PKHD1: variants seen among roughly 807,000 people sequenced by gnomAD.
PKHD1 encodes the protein fibrocystin.
A neutral mutation model predicts 412.0 loss-of-function variants in PKHD1; 291 were observed. That is an observed-to-expected ratio of 0.71 (90% CI 0.64 to 0.78). PKHD1 has a LOEUF of 0.78. PKHD1 is among the 30% of genes least tolerant of loss of function. PKHD1 has a pLI of 0.00. For missense variants in PKHD1, 4,825 were observed against 4,950.7 expected (o/e 0.97, Z 0.76); for synonymous variants, 1,777 against 1,821.5 (o/e 0.98, Z 0.62).
At chr6:52,048,089 C>A (rs1562226259) in intron 23 of PKHD1, among the ~76,000 whole-genome samples, 1 of 152,192 alleles carries the variant, frequency 6.6e-6, no homozygotes, top group Non-Finnish European at 1.5e-5. Context: ...CTAGCCACCA[C>A]CAGAAGCCAG....
chr6:52,056,502 T>C lies in PKHD1; in HGVS notation c.1693+196A>G, dbSNP rs115324911. Among the ~76,000 whole-genome samples the C allele has an allele frequency of 5.8e-4, 88 of 152,156 alleles. 3 individuals are homozygous for C. The highest frequency in any genetic ancestry group is 1.7e-3 in the African/African-American group (70 of 41,520). On this transcript the variant is annotated intron_variant, in intron 18 of 66. Coordinates refer to ENST00000371117, the MANE Select transcript of PKHD1 (RefSeq NM_138694.4). ...CCAGGAGGAATGCCTTTCCTTTCTATTGACACCCACCGAGCATCAACCTCC... is the reference window on the plus strand; with the variant it reads ...CCAGGAGGAATGCCTTTCCTTTCTACTGACACCCACCGAGCATCAACCTCC...
At chr6:51,786,857 A>G (rs942945754) in intron 53 of PKHD1, among the ~76,000 whole-genome samples, 2 of 152,228 alleles carry the variant, frequency 1.3e-5, no homozygotes, top group Non-Finnish European at 2.9e-5. Context: ...ATGGACACAC[A>G]TGTGAAATTC....
At chr6:51,865,586 A>T (rs1583102536) in intron 48 of PKHD1, among the ~76,000 whole-genome samples, 1 of 152,286 alleles carries the variant, frequency 6.6e-6, no homozygotes, top group South Asian at 2.1e-4. Flanking sequence ...GCAGCTATGT[A>T]AAGCCTCACT....
intron 60 of PKHD1, among the ~76,000 whole-genome samples, chr6:51,699,981 G>A (rs540149821): frequency 1.4e-4 from 16 of 118,070 alleles, no homozygotes; most frequent in African/African-American, 4.1e-4. Context: ...ATTATTACCT[G>A]AGTAATTTTT....
intron 35 of PKHD1, among the ~76,000 whole-genome samples, chr6:51,992,871 C>T (rs1797207857): frequency 6.6e-6 from 1 of 152,248 alleles, no homozygotes; most frequent in Admixed American, 6.5e-5. Context: ...TAAGAAGGTA[C>T]TACCTTCAGT....
At chr6:52,007,767 A>C (rs1418568027) in intron 35 of PKHD1, among the ~76,000 whole-genome samples, 1 of 152,164 alleles carries the variant, frequency 6.6e-6, no homozygotes, top group Non-Finnish European at 1.5e-5. Context: ...TAGAATTAAC[A>C]ATTTTCCCAT....
At chr6:51,882,623 G>A (rs1396346979) in intron 46 of PKHD1, among the ~76,000 whole-genome samples, 1 of 152,136 alleles carries the variant, frequency 6.6e-6, no homozygotes, top group East Asian at 1.9e-4. Context: ...TGGCAGCCAG[G>A]AACCCCCACT....
intron 48 of PKHD1, among the ~76,000 whole-genome samples, chr6:51,863,018 C>T (rs1411721831): frequency 6.6e-6 from 1 of 152,090 alleles, no homozygotes; most frequent in Non-Finnish European, 1.5e-5. Context: ...TTGTAAATCA[C>T]AAATGTAAAA....
chr6:51,764,086 G>T (rs1250156763), intron 55 of PKHD1, among the ~76,000 whole-genome samples: 1 of 146,620 alleles, frequency 6.8e-6, no homozygotes, highest in Non-Finnish European at 1.5e-5. Flanking sequence ...ATCTCCCAAT[G>T]CTATCCCTCC....
At chr6:51,703,508 A>T (rs1779686263) in intron 60 of PKHD1, among the ~76,000 whole-genome samples, 1 of 152,050 alleles carries the variant, frequency 6.6e-6, no homozygotes, top group Admixed American at 6.6e-5. Context: ...GGATTGACAA[A>T]AAACAAACAA....
intron 35 of PKHD1, among the ~76,000 whole-genome samples, chr6:51,960,499 C>T (rs1347045151): frequency 6.6e-6 from 1 of 152,068 alleles, no homozygotes; most frequent in African/African-American, 2.4e-5. Flanking sequence ...TGATGGGTGG[C>T]ATTTTGCTTT....
At chr6:52,042,064 T>C (rs1453717270) in intron 27 of PKHD1, among the ~76,000 whole-genome samples, 2 of 152,222 alleles carry the variant, frequency 1.3e-5, no homozygotes, top group Admixed American at 6.5e-5. Context: ...ATACAGAATA[T>C]GATCTTTCAC....
Position 51,748,293 on chromosome 6 carries a change from C to T in PKHD1, c.9323G>A (p.Gly3108Asp), listed in dbSNP as rs766638144. The T allele has an allele frequency of 6.2e-7, 1 of 1,613,992 alleles. No individual in the cohort carries two copies. Residue 3108 changes from glycine to aspartate, a missense_variant, in exon 58 of 67, where the codon GGC (glycine) becomes GAC (aspartate). Gly to Asp is a moderately conservative substitution (Grantham distance 94). Transcript: ENST00000371117. ...GSERLGFHIRGHKCSSCELLW... is the reference protein window; with the variant it reads ...GSERLGFHIRDHKCSSCELLW... ...CAGTTCACAAGAGGAGCACTTGTGG[C>T]CTCGGATGTGAAAGCCAAGTCTCTC...
intron 52 of PKHD1, among the ~76,000 whole-genome samples, chr6:51,804,086 T>G (rs750442176): frequency 6.6e-6 from 1 of 151,324 alleles, no homozygotes; most frequent in Non-Finnish European, 1.5e-5. Flanking sequence ...CCCACCAAAA[T>G]GATCATGGCA....
chr6:51,793,941 A>T (rs913052535), intron 52 of PKHD1, among the ~76,000 whole-genome samples: 2 of 152,172 alleles, frequency 1.3e-5, no homozygotes, highest in African/African-American at 4.8e-5. Flanking sequence ...TCTTTGAGGA[A>T]TCGCCACACT....
intron 55 of PKHD1, among the ~76,000 whole-genome samples, chr6:51,769,044 C>T (rs1274296614): frequency 6.6e-6 from 1 of 151,586 alleles, no homozygotes; most frequent in Admixed American, 6.6e-5. Context: ...TCTTTGTTCA[C>T]TTGAATGAAA....
chr6:51,673,983 G>A (rs1483620495), intron 60 of PKHD1, among the ~76,000 whole-genome samples: 1 of 152,200 alleles, frequency 6.6e-6, no homozygotes, highest in Non-Finnish European at 1.5e-5. Flanking sequence ...AATGGATTGG[G>A]AAGGAGATGT....
intron 49 of PKHD1, among the ~76,000 whole-genome samples, chr6:51,854,929 C>T (rs1773004235): frequency 6.6e-6 from 1 of 152,360 alleles, no homozygotes; most frequent in East Asian, 1.9e-4. Context: ...ATGGCTTAGA[C>T]AGCAGGCAGC....
At chr6:51,668,645 C>T (rs1189402290) in intron 60 of PKHD1, among the ~76,000 whole-genome samples, 1 of 152,028 alleles carries the variant, frequency 6.6e-6, no homozygotes, top group South Asian at 2.1e-4. Flanking sequence ...GGAATGCTTC[C>T]AATTTTTGCC....
Sources: gnomAD v4.1 joint callset for allele counts (sites outside exome capture counted in the v4.1 genomes callset) on GRCh38, gnomAD v4.1.1 for gene constraint, MANE v1.5 for transcripts, NCBI Gene and HGNC (gene_info 2026-07-23, HGNC 2026-07-21) for gene names.